GAN: variants seen among roughly 807,000 people sequenced by gnomAD.
The protein encoded by GAN is epididymis secretory sperm binding protein.
GAN carries 48 observed loss-of-function variants against 71.3 expected under a neutral mutation model. That is an observed-to-expected ratio of 0.67 (90% confidence interval 0.53 to 0.86). The LOEUF (loss-of-function observed/expected upper bound fraction) is 0.86, where lower values mean the gene tolerates loss of function less well. Among genes scored for constraint, GAN ranks in the 40% least tolerant of loss-of-function variants. GAN has a pLI of 0.00. For missense variants in GAN, 928 were observed against 770.1 expected (o/e 1.21, Z -2.43); for synonymous variants, 386 against 276.8 (o/e 1.39, Z -3.92).
Position 81,382,594 on chromosome 16 carries a change from A to G in GAN, c.*4998A>G, listed in dbSNP as rs997926534. 1 of 152,224 alleles carries G rather than the reference A, an allele frequency of 6.6e-6. No individual in the cohort carries two copies. Among genetic ancestry groups the G allele is most frequent in the South Asian group, 2.1e-4 (1 of 4,834 alleles). The allele number at this position is 152,224 out of a possible 1,614,324, so 9.4% of individuals were successfully genotyped here. ...GAGGAAAGTATTTTGATAGCTTTTA[A>G]TAATTCTTGAAATACTCTTTACTCT... On this transcript the variant is annotated 3_prime_UTR_variant, in exon 11 of 11. Coordinates refer to ENST00000648994, the MANE Select transcript of GAN (RefSeq NM_022041.4).
intron 1 of GAN, among the ~76,000 whole-genome samples, chr16:81,339,109 CA>C (rs1909859494): frequency 6.6e-6 from 1 of 152,160 alleles, no homozygotes; most frequent in African/African-American, 2.4e-5. Flanking sequence ...AAACATAGCA[CA>C]GATAATTGAA....
intron 1 of GAN, among the ~76,000 whole-genome samples, chr16:81,326,896 C>T (rs549848273): frequency 6.6e-6 from 1 of 152,352 alleles, no homozygotes; most frequent in South Asian, 2.1e-4. Flanking sequence ...TTACCTGCTA[C>T]ATGACTGTCC....
Position 81,365,430 on chromosome 16 carries a change from G to C in GAN, c.1454G>C (p.Ser485Thr), listed in dbSNP as rs1597407355. ...CGAAGTCGTGAGGACGCCCAGGGTA[G>C]CGAGATGGTAACTTGCAAGTCCGAG... The part of the protein sequence containing the change: ...GVRSREDAQG[S>T]EMVTCKSEFY... The change falls in exon 9 of 11, where the codon AGC (serine) becomes ACC (threonine). Residue 485 changes from serine (S) to threonine (T), a missense_variant. Physicochemically the swap from Ser to Thr is moderately conservative, Grantham distance 58 (BLOSUM62 1). Transcript: ENST00000648994. 1 of 1,613,606 alleles carries C rather than the reference G, an allele frequency of 6.2e-7. No individual in the cohort carries two copies. The highest frequency in any genetic ancestry group is 2.2e-5 in the East Asian group (1 of 44,860).
rs1349484624 is a variant in GAN, at chr16:81,363,910, G to A, written c.1203G>A (p.Trp401Ter). ...GTTACGATATTTATTCTAAAACCTG[G>A]ACAAAGCAACCTGATTTGACCATGG... ...MECYDIYSKT[W>*]TKQPDLTMVR... The change falls in exon 7 of 11, where the codon TGG becomes TGA. Residue 401 changes from tryptophan to a stop codon, truncating the protein, a stop_gained. Transcript: ENST00000648994. LOFTEE classifies it high-confidence loss of function. 1 of 1,613,692 alleles carries A rather than the reference G, an allele frequency of 6.2e-7. No homozygotes were observed. The highest frequency in any genetic ancestry group is 8.5e-7 in the Non-Finnish European group (1 of 1,179,596).
intron 1 of GAN, among the ~76,000 whole-genome samples, chr16:81,333,221 A>C (rs1174242160): frequency 6.7e-6 from 1 of 149,198 alleles, no homozygotes; most frequent in South Asian, 2.2e-4. Context: ...CAGCCTAGGC[A>C]ACAGAGCGAG....
At chr16:81,321,037 G>C (rs1909206337) in intron 1 of GAN, among the ~76,000 whole-genome samples, 2 of 151,828 alleles carry the variant, frequency 1.3e-5, no homozygotes, top group South Asian at 4.1e-4. Flanking sequence ...ATTTTATCCA[G>C]GCTTCTAAGG....
chr16:81,326,056 C>G (rs936730322), intron 1 of GAN, among the ~76,000 whole-genome samples: 10 of 152,186 alleles, frequency 6.6e-5, no homozygotes, highest in Admixed American at 2.6e-4. Flanking sequence ...ATCACTCCCT[C>G]CAGCAGACTC....
chr16:81,316,671 A>G (rs78574421), intron 1 of GAN, among the ~76,000 whole-genome samples: 4,887 of 152,320 alleles, frequency 0.032, 128 homozygotes, highest in South Asian at 0.059. Context: ...CTTTAGATGC[A>G]TTATTGTTAT....
At chr16:81,345,415 C>T (rs1910086186) in intron 1 of GAN, among the ~76,000 whole-genome samples, 1 of 152,104 alleles carries the variant, frequency 6.6e-6, no homozygotes, top group South Asian at 2.1e-4. Context: ...ACTATGCAGC[C>T]ATAAAAAAGG....
At chr16:81,345,735 A>G (rs1910097393) in intron 1 of GAN, among the ~76,000 whole-genome samples, 2 of 152,208 alleles carry the variant, frequency 1.3e-5, no homozygotes, top group East Asian at 3.8e-4. Flanking sequence ...CCCAGAGCTT[A>G]AAGTATAATA....
chr16:81,377,416 T>A lies in GAN; in HGVS notation c.1614T>A (p.Gly538=). ...CCCTTGCTTATTTCTGTGGCTTAGG[T>A]ACCAATTACGACTACGTGCGTGAGT... The part of the protein sequence containing the change: ...SIYVIGDLDT[G]TNYDYVREFK... Residue 538 remains glycine (G), a splice_region_variant and synonymous_variant, in exon 11 of 11, where the codon GGT becomes GGA. Transcript: ENST00000648994. 6.2e-7 allele frequency: 1 copy of A among 1,613,720 alleles called. No individual in the cohort carries two copies. The highest frequency in any genetic ancestry group is 1.1e-5 in the South Asian group (1 of 91,078).
At chr16:81,353,195 G>A (rs1289972065) in intron 2 of GAN, among the ~76,000 whole-genome samples, 2 of 151,292 alleles carry the variant, frequency 1.3e-5, no homozygotes, top group Non-Finnish European at 1.5e-5. Context: ...GGAGGCTGAG[G>A]CAGGAGAATG....
chr16:81,332,143 G>A (rs1472329008), intron 1 of GAN, among the ~76,000 whole-genome samples: 1 of 146,778 alleles, frequency 6.8e-6, no homozygotes, highest in African/African-American at 2.6e-5. Context: ...CCTGGGCAAC[G>A]AGAGGGAAAA....
intron 6 of GAN, 95 bp from the exon 7 acceptor site, chr16:81,363,699 C>A: frequency 1.5e-6 from 2 of 1,315,076 alleles, no homozygotes; most frequent in Non-Finnish European, 2.2e-6. Flanking sequence ...TTTTTGCCAT[C>A]TTTATGTTTC....
intron 1 of GAN, among the ~76,000 whole-genome samples, chr16:81,339,951 A>G (rs1333715296): frequency 2.6e-5 from 4 of 152,310 alleles, no homozygotes; most frequent in East Asian, 3.9e-4. Flanking sequence ...GTGTACAGCA[A>G]TTCATTTTTT....
intron 1 of GAN, among the ~76,000 whole-genome samples, chr16:81,337,337 C>T (rs1165704670): frequency 6.6e-6 from 1 of 152,220 alleles, no homozygotes. Flanking sequence ...CAAATTTCTG[C>T]AAATCTCGAC....
rs112095469 is a variant in GAN at position 81,332,796 on chromosome 16, G to T, written c.167+17516G>T. On this transcript the variant is annotated intron_variant, in intron 1 of 10. Coordinates refer to ENST00000648994, the MANE Select transcript of GAN (RefSeq NM_022041.4). ...GTCTTGGTTTTGTTTGGTTTCTTAC[G>T]ATTAGATTGGATGGGAGGGTTGCAT... is the stretch of plus-strand genomic sequence containing the variant. 2.6e-5 allele frequency among the ~76,000 whole-genome samples: 4 copies of T among 152,262 alleles called. 1 individual carries two copies. The highest frequency in any genetic ancestry group is 9.6e-5 in the African/African-American group (4 of 41,554).
At chr16:81,327,602 C>A (rs565158224) in intron 1 of GAN, among the ~76,000 whole-genome samples, 3 of 152,196 alleles carry the variant, frequency 2.0e-5, no homozygotes, top group African/African-American at 7.2e-5. Flanking sequence ...GGCCTACTTT[C>A]TTTGAAAAGG....
In GAN at chr16:81,352,053, C is replaced by G. The variant is rs565881703; in HGVS notation, c.282+356C>G. Among the ~76,000 whole-genome samples, 4 of 152,254 alleles carry G rather than the reference C, an allele frequency of 2.6e-5. No homozygotes were observed. In the South Asian group the frequency reaches 8.3e-4, roughly 32 times the overall value. On this transcript the variant is annotated intron_variant, in intron 2 of 10. Coordinates refer to ENST00000648994, the MANE Select transcript of GAN (RefSeq NM_022041.4). ...CCAGTCTTGCTTTGTATCCATATGA[C>G]TGGGGATACAAAACTTGTTTTGTCT...
Sources: allele counts gnomAD v4.1 joint callset (sites outside exome capture counted in the v4.1 genomes callset), GRCh38; gene constraint gnomAD v4.1.1; transcripts MANE v1.5; gene names NCBI Gene and HGNC (gene_info 2026-07-23, HGNC 2026-07-21).